MAP3K2: variants seen among roughly 807,000 people sequenced by gnomAD.
MAP3K2 encodes MAP/ERK kinase kinase 2.
MAP3K2 carries 24 observed loss-of-function variants against 80.3 expected under a neutral mutation model. The observed-to-expected ratio is 0.30, with a 90% CI of 0.22 to 0.42. The LOEUF (loss-of-function observed/expected upper bound fraction) is 0.42, where lower values mean the gene tolerates loss of function less well. Among genes scored for constraint, MAP3K2 ranks in the 10% least tolerant of loss-of-function variants. The pLI is 1.00. For synonymous variants in MAP3K2, 244 were observed against 253.7 expected (o/e 0.96, Z 0.36); for missense variants, 608 against 750.1 (o/e 0.81, Z 2.21).
rs1027989391 is a variant in MAP3K2, at chr2:127,305,866, G to A, written c.*1713C>T. Reference sequence around the variant, plus strand: ...TGTCCTTGCTCTTATTGGATACATTGTACTAGAAATACGTGGCAGCTTTTT... The same window carrying A: ...TGTCCTTGCTCTTATTGGATACATTATACTAGAAATACGTGGCAGCTTTTT... On this transcript the variant is annotated 3_prime_UTR_variant, in exon 17 of 17. Transcript: ENST00000682094. 2.0e-5 allele frequency: 3 copies of A among 150,996 alleles called. No homozygotes were observed. Among genetic ancestry groups the A allele is most frequent in the Non-Finnish European group, 2.9e-5 (2 of 67,852 alleles). The allele number at this position is 150,996 out of a possible 1,614,324, so 9.4% of individuals were successfully genotyped here. A position where few individuals can be genotyped will look rare whatever the true frequency, so the allele number is the denominator to read the frequency against.
At chr2:127,319,310 G>C (rs1353919150) in intron 12 of MAP3K2, among the ~76,000 whole-genome samples, 1 of 151,318 alleles carries the variant, frequency 6.6e-6, no homozygotes, top group Non-Finnish European at 1.5e-5. Context: ...CTGATCATTA[G>C]AGCACTCCTA....
chr2:127,330,401 T>C lies in MAP3K2; in HGVS notation c.369A>G (p.Gly123=). Residue 123 remains glycine (G), a synonymous_variant, in exon 6 of 17, where the codon GGA becomes GGG. Transcript: ENST00000682094. ...ATATCCCAAATCATACCTGTGTACT[T>C]CCATTTATTACAAGTAATATCTTGA... ...KSLKILLVIN[G]STQATNLEPL... is the part of the protein sequence containing the mutation. 6.4e-7 allele frequency: 1 copy of C among 1,570,964 alleles called. No individual in the cohort carries two copies. The highest frequency in any genetic ancestry group is 8.7e-7 in the Non-Finnish European group (1 of 1,146,874).
At chr2:127,388,026 C>T, upstream of MAP3K2, 1 of 983,392 alleles carries the variant, frequency 1.0e-6, no homozygotes, top group South Asian at 4.7e-5. Context: ...GCGCGCGCAC[C>T]CCTCCGCCCG....
intron 1 of MAP3K2, among the ~76,000 whole-genome samples, chr2:127,353,116 G>C (rs1374127170): frequency 6.6e-6 from 1 of 152,102 alleles, no homozygotes; most frequent in African/African-American, 2.4e-5. Context: ...CTGCCCAGCC[G>C]CCACCCCGTC....
rs887343998 is a variant in MAP3K2 at position 127,301,773 on chromosome 2, T to G, written c.*5806A>C. The G allele has an allele frequency of 3.3e-5, 5 of 152,230 alleles. No individual in the cohort carries two copies. The highest frequency in any genetic ancestry group is 2.0e-4 in the Admixed American group (3 of 15,288). The allele number at this position is 152,230 out of a possible 1,614,324, so 9.4% of individuals were successfully genotyped here. A position where few individuals can be genotyped will look rare whatever the true frequency, so the allele number is the denominator to read the frequency against. On this transcript the variant is annotated 3_prime_UTR_variant, in exon 17 of 17. Coordinates refer to ENST00000682094, the MANE Select transcript of MAP3K2 (RefSeq NM_001371910.2). Reference sequence around the variant, plus strand: ...AGATAAAATCTATTCTTTTCTTTACTGTAGCTATGACTCCTCCCTCATCTT... The same window carrying G: ...AGATAAAATCTATTCTTTTCTTTACGGTAGCTATGACTCCTCCCTCATCTT...
At chr2:127,349,673 C>T (rs1166231858) in intron 1 of MAP3K2, among the ~76,000 whole-genome samples, 1 of 152,044 alleles carries the variant, frequency 6.6e-6, no homozygotes, top group Non-Finnish European at 1.5e-5. Context: ...GACTTGAATA[C>T]CTGTTTCTTA....
intron 1 of MAP3K2, among the ~76,000 whole-genome samples, chr2:127,383,911 TCACC>T (rs1219201564): frequency 6.7e-6 from 1 of 149,396 alleles, no homozygotes; most frequent in Admixed American, 6.7e-5. Flanking sequence ...TCTCGCTCTG[TCACC>T]CAGACTGGAG....
intron 5 of MAP3K2, among the ~76,000 whole-genome samples, chr2:127,331,854 C>G (rs1686262215): frequency 6.6e-6 from 1 of 152,204 alleles, no homozygotes; most frequent in African/African-American, 2.4e-5. Flanking sequence ...TATCTGCCCG[C>G]CTGGGCCTTC....
chr2:127,378,200 A>G, intron 1 of MAP3K2: 1 of 976,936 alleles, frequency 1.0e-6, no homozygotes, highest in Non-Finnish European at 1.2e-6. Flanking sequence ...GAAAAACCAA[A>G]GGTACAAATT....
rs886796160 is a variant in MAP3K2, at chr2:127,321,744, G to A, written c.1045+302C>T. ...CATCTATCCCATTAGATTATGTCTT[G>A]GAGATTATGTTTGAAATCTCAGTGG... On this transcript the variant is annotated intron_variant, in intron 12 of 16. Transcript: ENST00000682094. The surrounding 1 kb of genome is among the most constrained non-coding windows in gnomAD (Gnocchi z 4.4). Among the ~76,000 whole-genome samples the A allele has an allele frequency of 1.3e-5, 2 of 151,974 alleles. No homozygotes were observed. The highest frequency in any genetic ancestry group is 2.9e-5 in the Non-Finnish European group (2 of 68,014).
chr2:127,312,834 T>C (rs991716664), intron 15 of MAP3K2, among the ~76,000 whole-genome samples: 1 of 152,024 alleles, frequency 6.6e-6, no homozygotes, highest in Non-Finnish European at 1.5e-5. Flanking sequence ...TGATGGCACA[T>C]GCTGGTAGTC....
At position 127,306,847 on chromosome 2, in the gene MAP3K2, C is replaced by CGTGTGTGTGTGT. The variant is rs58705764; in HGVS notation, c.*720_*731dup. The CGTGTGTGTGTGT allele has an allele frequency of 2.7e-5, 4 of 150,400 alleles. No homozygotes were observed. Among genetic ancestry groups the CGTGTGTGTGTGT allele is most frequent in the African/African-American group, 9.8e-5 (4 of 40,784 alleles). 9.3% of individuals were successfully genotyped at this position (150,400 alleles called of 1,614,324 possible). On this transcript the variant is annotated 3_prime_UTR_variant, in exon 17 of 17. Coordinates refer to ENST00000682094, the MANE Select transcript of MAP3K2 (RefSeq NM_001371910.2). This position sits in a 1 kb window ranked among gnomAD's most constrained non-coding sequence, Gnocchi z 4.7. ...ACTTGACTTTAAAATAAAGGTTTTC[C>CGTGTGTGTGTGT]GTGTGTGTGTGTGTGTGTGTGTGTG...
At chr2:127,332,673 T>C (rs915241950) in intron 5 of MAP3K2, among the ~76,000 whole-genome samples, 2 of 152,264 alleles carry the variant, frequency 1.3e-5, no homozygotes, top group Non-Finnish European at 2.9e-5. Flanking sequence ...ATGAAATCTA[T>C]CACCCTCTGG....
chr2:127,376,327 G>C (rs1014483438), intron 1 of MAP3K2, among the ~76,000 whole-genome samples: 1 of 151,996 alleles, frequency 6.6e-6, no homozygotes, highest in Non-Finnish European at 1.5e-5. Flanking sequence ...GGTGGGAAGG[G>C]GGGGAGCGCA....
rs1009341900 is a variant in MAP3K2, at chr2:127,299,424, T to C, written c.*8155A>G. On this transcript the variant is annotated 3_prime_UTR_variant, in exon 17 of 17. Coordinates refer to ENST00000682094, the MANE Select transcript of MAP3K2 (RefSeq NM_001371910.2). Reference sequence around the variant, plus strand: ...AACCCAGTCTGACCTTGCCCAGTGATAGAAAAACTAAAAGTTGAAATCTTT... The same window carrying C: ...AACCCAGTCTGACCTTGCCCAGTGACAGAAAAACTAAAAGTTGAAATCTTT... The C allele has an allele frequency of 2.0e-5, 3 of 152,144 alleles. No individual in the cohort carries two copies. The highest frequency in any genetic ancestry group is 2.1e-4 in the South Asian group (1 of 4,836). The allele number at this position is 152,144 out of a possible 1,614,324, so 9.4% of individuals were successfully genotyped here.
Position 127,302,956 on chromosome 2 carries a change from C to A in MAP3K2, c.*4623G>T, listed in dbSNP as rs1180380507. 6.6e-6 allele frequency: 1 copy of A among 151,790 alleles called. No homozygotes were observed. The highest frequency in any genetic ancestry group is 2.4e-5 in the African/African-American group (1 of 41,296). The allele number at this position is 151,790 out of a possible 1,614,324, so 9.4% of individuals were successfully genotyped here. A position where few individuals can be genotyped will look rare whatever the true frequency, so the allele number is the denominator to read the frequency against. Reference sequence around the variant, plus strand: ...GCAGGCATTAAGAAACATTTAAGGACCAATACACAGTCTAAGGCCAAATGA... The same window carrying A: ...GCAGGCATTAAGAAACATTTAAGGAACAATACACAGTCTAAGGCCAAATGA... On this transcript the variant is annotated 3_prime_UTR_variant, in exon 17 of 17. Transcript: ENST00000682094.
intron 7 of MAP3K2, among the ~76,000 whole-genome samples, 153 bp downstream of exon 7, chr2:127,329,768 C>T (rs992071515): frequency 1.3e-5 from 2 of 151,912 alleles, no homozygotes; most frequent in Admixed American, 6.6e-5. Flanking sequence ...TTCCAAGGGA[C>T]GTCAAATATT....
intron 1 of MAP3K2, among the ~76,000 whole-genome samples, chr2:127,387,080 T>C (rs570469661): frequency 6.6e-6 from 1 of 152,066 alleles, no homozygotes; most frequent in South Asian, 2.1e-4. Context: ...GAAACAACCT[T>C]ACATCAAAAG....
At chr2:127,342,386 A>AGG (rs200323450) in intron 2 of MAP3K2, among the ~76,000 whole-genome samples, 2,822 of 64,346 alleles carry the variant, frequency 0.044, 39 homozygotes, top group South Asian at 0.085. Flanking sequence ...GTTCTTCATG[A>AGG]GGGTGTGTGT....
Sources: allele counts gnomAD v4.1 joint callset (sites outside exome capture counted in the v4.1 genomes callset), GRCh38; gene constraint gnomAD v4.1.1; non-coding constraint Gnocchi (gnomAD v3.1); transcripts MANE v1.5; gene names NCBI Gene and HGNC (gene_info 2026-07-23, HGNC 2026-07-21).